The following AK5 variants were observed in gnomAD, a reference collection of about 807,000 sequenced individuals.
AK5 encodes adenylate kinase 5.
In AK5, 27 loss-of-function variants were observed where a neutral mutation model predicts 69.5. The observed-to-expected ratio is 0.39, with a 90% confidence interval of 0.29 to 0.54. The LOEUF is 0.54. Ranked by LOEUF, AK5 falls within the 20% of genes least tolerant of loss-of-function variation. The pLI, the probability that AK5 is intolerant of heterozygous loss-of-function variation, is 0.71. For synonymous variants in AK5, 260 were observed against 244.4 expected (o/e 1.06, Z -0.60); for missense variants, 531 against 700.4 (o/e 0.76, Z 2.73).
At chr1:77,542,653 A>G (rs1438586275) in intron 13 of AK5, among the ~76,000 whole-genome samples, 2 of 152,226 alleles carry the variant, frequency 1.3e-5, no homozygotes, top group Non-Finnish European at 2.9e-5. Context: ...ATAAGTAACA[A>G]CTACACATTG....
At chr1:77,420,777 T>G (rs1287952127) in intron 8 of AK5, among the ~76,000 whole-genome samples, 2 of 152,202 alleles carry the variant, frequency 1.3e-5, no homozygotes, top group African/African-American at 4.8e-5. Flanking sequence ...TTAACCCTTT[T>G]TAGTTATCTT....
rs138937605 is a variant in AK5, at chr1:77,413,249, C to G, written c.982+2178C>G. Among the ~76,000 whole-genome samples the G allele has an allele frequency of 1.2e-3, 181 of 152,258 alleles. 2 individuals are homozygous for G. Among genetic ancestry groups the G allele is most frequent in the Non-Finnish European group, 2.0e-3 (136 of 68,024 alleles). ...CTGCCTTAGGCATTTTCCACCTGCTCTTCTCTCTGCTTAGAAAATGCCTCT... is the reference window on the plus strand; with the variant it reads ...CTGCCTTAGGCATTTTCCACCTGCTGTTCTCTCTGCTTAGAAAATGCCTCT... On this transcript the variant is annotated intron_variant, in intron 7 of 13. Coordinates refer to ENST00000354567, the MANE Select transcript of AK5 (RefSeq NM_174858.3).
intron 13 of AK5, among the ~76,000 whole-genome samples, chr1:77,551,315 G>A (rs1000959953): frequency 1.3e-5 from 2 of 152,024 alleles, no homozygotes; most frequent in African/African-American, 4.8e-5. Flanking sequence ...TGGTCCTAAG[G>A]AGGATCCCAG....
At chr1:77,467,908 C>T (rs545838774) in intron 8 of AK5, among the ~76,000 whole-genome samples, 4 of 152,306 alleles carry the variant, frequency 2.6e-5, no homozygotes, top group African/African-American at 9.6e-5. Context: ...ATCCCTCACC[C>T]GGTGCTCATA....
At chr1:77,422,720 A>G (rs1244647617) in intron 8 of AK5, among the ~76,000 whole-genome samples, 1 of 152,144 alleles carries the variant, frequency 6.6e-6, no homozygotes, top group Admixed American at 6.5e-5. Context: ...CTTGCATTTC[A>G]GGTACTATGT....
chr1:77,401,230 T>G (rs1003792936), intron 6 of AK5, among the ~76,000 whole-genome samples: 5 of 152,208 alleles, frequency 3.3e-5, no homozygotes, highest in Non-Finnish European at 1.5e-5. Flanking sequence ...ATCTTCAATT[T>G]TTAGTTGAAG....
intron 7 of AK5, among the ~76,000 whole-genome samples, chr1:77,413,735 G>T (rs563591319): frequency 6.6e-6 from 1 of 152,242 alleles, no homozygotes; most frequent in South Asian, 2.1e-4. Context: ...AGATTTGAGG[G>T]CTCATGGGGA....
intron 5 of AK5, among the ~76,000 whole-genome samples, chr1:77,311,530 A>G (rs1659962180): frequency 6.6e-6 from 1 of 152,168 alleles, no homozygotes; most frequent in Non-Finnish European, 1.5e-5. Flanking sequence ...GATATAAAAT[A>G]TCTATAGTTC....
chr1:77,475,191 ATATATG>A lies in AK5; in HGVS notation c.1060-8124_1060-8119del, dbSNP rs1389443588. On this transcript the variant is annotated intron_variant, in intron 8 of 13. Coordinates refer to ENST00000354567, the MANE Select transcript of AK5 (RefSeq NM_174858.3). The stretch of plus-strand genomic sequence containing the variant: ...TGTATATATATATATATATATATAT[ATATATG>A]TGTGTGTGTGTGTGTGTATTCTATA... 7.9e-3 allele frequency among the ~76,000 whole-genome samples: 496 copies of A among 62,774 alleles called. 5 individuals carry two copies. Among genetic ancestry groups the A allele is most frequent in the African/African-American group, 0.027 (433 of 16,188 alleles). The allele number at this position is 62,774 out of a possible 152,430, so 41.2% of individuals were successfully genotyped here.
At chr1:77,521,992 CT>C in intron 12 of AK5, 49 bp downstream of exon 12, 1 of 1,369,584 alleles carries the variant, frequency 7.3e-7, no homozygotes, top group Non-Finnish European at 1.0e-6. Context: ...AGGGGACATC[CT>C]TGAGGTTGGG....
chr1:77,346,250 C>T (rs1661909044), intron 6 of AK5: 1 of 152,104 alleles, frequency 6.6e-6, no homozygotes, highest in Non-Finnish European at 1.5e-5. Context: ...CTGTAATTCC[C>T]ATCCCATCAG....
intron 8 of AK5, among the ~76,000 whole-genome samples, chr1:77,459,940 T>C (rs1205355693): frequency 2.0e-5 from 3 of 152,194 alleles, no homozygotes; most frequent in Non-Finnish European, 4.4e-5. Flanking sequence ...TTTAATCTAG[T>C]ATAATGCAAG....
At chr1:77,446,465 A>C (rs1235286041) in intron 8 of AK5, among the ~76,000 whole-genome samples, 2 of 152,150 alleles carry the variant, frequency 1.3e-5, no homozygotes, top group Non-Finnish European at 2.9e-5. Context: ...TCTGAGAAAA[A>C]TATCTTTGGG....
At chr1:77,514,247 C>T (rs1265745416) in intron 10 of AK5, among the ~76,000 whole-genome samples, 4 of 151,996 alleles carry the variant, frequency 2.6e-5, no homozygotes, top group Non-Finnish European at 5.9e-5. Context: ...TTCAGGGGTT[C>T]GAGCCTTGGG....
chr1:77,541,798 G>A (rs1659287858), intron 13 of AK5, among the ~76,000 whole-genome samples: 1 of 152,046 alleles, frequency 6.6e-6, no homozygotes, highest in South Asian at 2.1e-4. Context: ...GACAGCTTTC[G>A]CATTTGCACA....
intron 8 of AK5, among the ~76,000 whole-genome samples, chr1:77,451,688 C>A (rs1250363594): frequency 6.6e-6 from 1 of 152,206 alleles, no homozygotes; most frequent in Non-Finnish European, 1.5e-5. Context: ...TAACGTCAGT[C>A]TCTCAGGGTT....
chr1:77,535,950 C>G lies in AK5; in HGVS notation c.1532C>G (p.Thr511Ser), dbSNP rs1658936447. 1 of 1,613,988 alleles carries G rather than the reference C, an allele frequency of 6.2e-7. No homozygotes were observed. The highest frequency in any genetic ancestry group is 8.5e-7 in the Non-Finnish European group (1 of 1,180,040). ...SRSSLPVDDT[T>S]KTIAKRLEAY... ...AGCAGCCTGCCTGTGGACGACACCACCAAGACCATCGCCAAGCGCCTAGAA... is the reference window on the plus strand; with the variant it reads ...AGCAGCCTGCCTGTGGACGACACCAGCAAGACCATCGCCAAGCGCCTAGAA... The change falls in exon 13 of 14, where the codon ACC (threonine) becomes AGC (serine). Residue 511 changes from threonine to serine, a missense_variant. Coordinates refer to ENST00000354567, the MANE Select transcript of AK5 (RefSeq NM_174858.3).
At chr1:77,407,177 A>C (rs540754403) in intron 6 of AK5, among the ~76,000 whole-genome samples, 6 of 152,304 alleles carry the variant, frequency 3.9e-5, no homozygotes, top group East Asian at 1.9e-4. Flanking sequence ...ATTTTATTTC[A>C]GATGTTCAAA....
chr1:77,493,574 A>G (rs1656125029), intron 10 of AK5, among the ~76,000 whole-genome samples: 1 of 152,068 alleles, frequency 6.6e-6, no homozygotes, highest in Non-Finnish European at 1.5e-5. Flanking sequence ...ATCACCTACA[A>G]AATAAGTTGC....
Sources: allele counts gnomAD v4.1 joint callset (sites outside exome capture counted in the v4.1 genomes callset), GRCh38; gene constraint gnomAD v4.1.1; transcripts MANE v1.5; gene names NCBI Gene and HGNC (gene_info 2026-07-23, HGNC 2026-07-21).